Variants in MYO18A observed in about 807,000 individuals in gnomAD.
MYO18A encodes the protein myosin XVIIIA, also known as unconventional myosin-XVIIIa.
MYO18A carries 78 observed loss-of-function variants against 235.8 expected under a neutral mutation model. The ratio of observed to expected loss-of-function variants is 0.33; its 90% CI spans 0.28 to 0.40. The LOEUF (loss-of-function observed/expected upper bound fraction) is 0.40, where lower values mean the gene tolerates loss of function less well. MYO18A is among the 10% of genes least tolerant of loss of function. The probability of loss-of-function intolerance (pLI) is 1.00; values close to 1 mark genes in which losing one functional copy is unlikely to be tolerated. For synonymous variants in MYO18A, 977 were observed against 1,077.8 expected (o/e 0.91, Z 1.83); for missense variants, 2,215 against 2,699.3 (o/e 0.82, Z 3.98).
At chr17:29,103,484 G>C (rs555451124) in intron 21 of MYO18A, 115 bp downstream of exon 21, 8 of 1,046,830 alleles carry the variant, frequency 7.6e-6, no homozygotes, top group African/African-American at 1.6e-5. Flanking sequence ...AAGACTCAGA[G>C]GGCACCAGGA....
At chr17:29,089,871 G>A in intron 37 of MYO18A, 90 bp downstream of exon 37, 2 of 1,538,722 alleles carry the variant, frequency 1.3e-6, no homozygotes, top group Non-Finnish European at 1.8e-6. Context: ...GACTGTCCGG[G>A]GGCCTGTCCA....
rs768944214 is a variant in MYO18A, at chr17:29,094,927, C to T, written c.4509+9G>A. ...GGACAGGGCACAGATGGTGGGTGGC[C>T]CTACCCACCTCTAGTTGCTGCTTCA... On this transcript the variant is annotated intron_variant, in intron 29 of 41. Coordinates refer to ENST00000527372, the MANE Select transcript of MYO18A (RefSeq NM_078471.4). 8.7e-6 allele frequency: 14 copies of T among 1,610,632 alleles called. No homozygotes were observed. The highest frequency in any genetic ancestry group is 1.1e-5 in the Non-Finnish European group (13 of 1,177,298).
intron 21 of MYO18A, 123 bp from the exon 22 acceptor site, chr17:29,099,885 C>A: frequency 7.4e-7 from 1 of 1,344,214 alleles, no homozygotes; most frequent in Non-Finnish European, 9.9e-7. Flanking sequence ...TTGGGAAGAG[C>A]CTCAAAATCC....
In MYO18A at chr17:29,074,158, G is replaced by A. The variant is rs1049848; in HGVS notation, c.*612C>T. ...CCTCACCAGCGTCTCCAGCTGCACA[G>A]AGAAAGGACTGCTCTCTGAAGGGTG... On this transcript the variant is annotated 3_prime_UTR_variant, in exon 42 of 42. Coordinates refer to ENST00000527372, the MANE Select transcript of MYO18A (RefSeq NM_078471.4). This position sits in a 1 kb window ranked among gnomAD's most constrained non-coding sequence, Gnocchi z 4.4. 1 of 1,613,222 alleles carries A rather than the reference G, an allele frequency of 6.2e-7. No individual in the cohort carries two copies. The highest frequency in any genetic ancestry group is 8.5e-7 in the Non-Finnish European group (1 of 1,179,532).
At chr17:29,154,176 G>C (rs577443173) in intron 2 of MYO18A, among the ~76,000 whole-genome samples, 6 of 152,096 alleles carry the variant, frequency 3.9e-5, no homozygotes, top group African/African-American at 1.2e-4. Context: ...TGGGTGTCCT[G>C]CCACAGAACC....
chr17:29,101,726 G>GT (rs1162869271), intron 21 of MYO18A, among the ~76,000 whole-genome samples: 1 of 152,188 alleles, frequency 6.6e-6, no homozygotes, highest in Non-Finnish European at 1.5e-5. Context: ...ACCTGACCAG[G>GT]GCAGAAGTGA....
chr17:29,097,492 C>T (rs912209450), intron 26 of MYO18A, 142 bp from the exon 27 acceptor site: 1 of 1,170,004 alleles, frequency 8.5e-7, no homozygotes, highest in Non-Finnish European at 1.2e-6. Flanking sequence ...GGCTTCCTCC[C>T]AAGGCAGAAG....
intron 2 of MYO18A, chr17:29,127,954 T>C: frequency 1.0e-6 from 1 of 1,003,304 alleles, no homozygotes; most frequent in Non-Finnish European, 1.2e-6. Context: ...CCGGTGGGGC[T>C]GGGGAGCGCT....
Position 29,093,077 on chromosome 17 carries a change from C to G in MYO18A, c.4927-76G>C, listed in dbSNP as rs185011878. ...CTATCTTCCCCAAGCTCCCTCCTCACCACGTCCTCATTATCAGTGTCCCCA... is the reference window on the plus strand; with the variant it reads ...CTATCTTCCCCAAGCTCCCTCCTCAGCACGTCCTCATTATCAGTGTCCCCA... On this transcript the variant is annotated intron_variant, in intron 32 of 41. Transcript: ENST00000527372. 3.6e-5 allele frequency: 54 copies of G among 1,520,750 alleles called. No individual in the cohort carries two copies. In the African/African-American group the frequency reaches 6.5e-4, roughly 18 times the overall value. The allele number at this position is 1,520,750 out of a possible 1,614,324, so 94.2% of individuals were successfully genotyped here.
intron 1 of MYO18A, among the ~76,000 whole-genome samples, chr17:29,170,465 C>G (rs1227838222): frequency 6.6e-6 from 1 of 152,210 alleles, no homozygotes; most frequent in Non-Finnish European, 1.5e-5. Flanking sequence ...CACCTCCTGG[C>G]CTCAGGTCCA....
chr17:29,153,065 A>G (rs1420876300), intron 2 of MYO18A, among the ~76,000 whole-genome samples: 4 of 152,148 alleles, frequency 2.6e-5, no homozygotes, highest in Non-Finnish European at 5.9e-5. Flanking sequence ...TAAGTGGTTT[A>G]TATGTATTGA....
rs935896710 is a variant in MYO18A, at chr17:29,140,055, G to A, written c.1000-17802C>T. Among the ~76,000 whole-genome samples, 1 of 152,188 alleles carries A rather than the reference G, an allele frequency of 6.6e-6. No individual in the cohort carries two copies. Among genetic ancestry groups the A allele is most frequent in the Non-Finnish European group, 1.5e-5 (1 of 68,030 alleles). On this transcript the variant is annotated intron_variant, in intron 2 of 41. Coordinates refer to ENST00000527372, the MANE Select transcript of MYO18A (RefSeq NM_078471.4). This position sits in a 1 kb window ranked among gnomAD's most constrained non-coding sequence, Gnocchi z 4.2. ...GCCTTGGGGGTGGATGCAACCCCAG[G>A]AAACTGAGGTTCAGAAGACAGTGCC...
intron 2 of MYO18A, 82 bp from the exon 3 acceptor site, chr17:29,122,335 G>C: frequency 7.5e-7 from 1 of 1,329,940 alleles, no homozygotes; most frequent in Non-Finnish European, 1.1e-6. Context: ...ACAAGTGAGG[G>C]CATGGGCTTT....
chr17:29,094,289 G>A, intron 30 of MYO18A, 199 bp from the exon 31 acceptor site: 1 of 603,602 alleles, frequency 1.7e-6, no homozygotes. Flanking sequence ...GGCCCACAGA[G>A]AGGCAGCTGG....
rs2065899485 is a variant in MYO18A, at chr17:29,072,782, T to TATAA, written c.*1984_*1987dup. On this transcript the variant is annotated 3_prime_UTR_variant, in exon 42 of 42. Coordinates refer to ENST00000527372, the MANE Select transcript of MYO18A (RefSeq NM_078471.4). ...CAAACTACTTTATTCATTCAGGGAT[T>TATAA]ATAACTGGCCACACTACAGAATGAG... 6.6e-6 allele frequency: 1 copy of TATAA among 152,214 alleles called. No individual in the cohort carries two copies. The highest frequency in any genetic ancestry group is 1.5e-5 in the Non-Finnish European group (1 of 68,048). 9.4% of individuals were successfully genotyped at this position (152,214 alleles called of 1,614,324 possible). A position where few individuals can be genotyped will look rare whatever the true frequency, so the allele number is the denominator to read the frequency against.
At chr17:29,153,008 C>G (rs1348789773) in intron 2 of MYO18A, among the ~76,000 whole-genome samples, 1 of 152,184 alleles carries the variant, frequency 6.6e-6, no homozygotes, top group Non-Finnish European at 1.5e-5. Flanking sequence ...AACCACCATG[C>G]CTGGCCAATG....
At position 29,120,541 on chromosome 17, in the gene MYO18A, A is replaced by G. The variant is rs2067172146; in HGVS notation, c.1728+75T>C. 1.3e-6 allele frequency: 2 copies of G among 1,525,284 alleles called. No individual in the cohort carries two copies. The highest frequency in any genetic ancestry group is 8.9e-7 in the Non-Finnish European group (1 of 1,129,570). 94.5% of individuals were successfully genotyped at this position (1,525,284 alleles called of 1,614,324 possible). On this transcript the variant is annotated intron_variant, in intron 7 of 41. Coordinates refer to ENST00000527372, the MANE Select transcript of MYO18A (RefSeq NM_078471.4). This position sits in a 1 kb window ranked among gnomAD's most constrained non-coding sequence, Gnocchi z 4.2. ...GAATCCCAGGAAAATGAGGCATGGG[A>G]GAGAGCCTGATGTCTAGGTCATGAA...
In MYO18A at chr17:29,094,962, C is replaced by A; in HGVS notation, c.4483G>T (p.Ala1495Ser). 6.2e-7 allele frequency: 1 copy of A among 1,609,412 alleles called. No homozygotes were observed. The highest frequency in any genetic ancestry group is 8.5e-7 in the Non-Finnish European group (1 of 1,176,968). Residue 1495 changes from alanine to serine, a missense_variant, in exon 29 of 42, where the codon GCT becomes TCT. Coordinates refer to ENST00000527372, the MANE Select transcript of MYO18A (RefSeq NM_078471.4). The stretch of plus-strand genomic sequence containing the variant: ...TCTAGTTGCTGCTTCAGGCTGAAAG[C>A]CTCAGCGAGGAGCATGTCCTTCTCC... The part of the protein sequence containing the change: ...QREKDMLLAE[A>S]FSLKQQLEEK...
chr17:29,119,466 AG>A (rs2067146883), intron 7 of MYO18A, 31 bp from the exon 8 acceptor site: 1 of 1,551,564 alleles, frequency 6.4e-7, no homozygotes, highest in Non-Finnish European at 8.8e-7. Flanking sequence ...GTGGGTAAGG[AG>A]GGTAGTGCCA....
Sources: gnomAD v4.1 joint callset for allele counts (sites outside exome capture counted in the v4.1 genomes callset) on GRCh38, gnomAD v4.1.1 for gene constraint, Gnocchi (gnomAD v3.1) non-coding constraint, MANE v1.5 for transcripts, NCBI Gene and HGNC (gene_info 2026-07-23, HGNC 2026-07-21) for gene names.